The following CLSTN2 variants were observed in gnomAD, a reference collection of about 807,000 sequenced individuals.
The protein encoded by CLSTN2 is calsyntenin 2.
A neutral mutation model predicts 101.2 loss-of-function variants in CLSTN2; 48 were observed. The observed-to-expected ratio is 0.47, with a 90% CI of 0.38 to 0.60. The LOEUF is 0.60. Among genes scored for constraint, CLSTN2 ranks in the 20% least tolerant of loss-of-function variants. The pLI, the probability that CLSTN2 is intolerant of heterozygous loss-of-function variation, is 0.00. For missense variants in CLSTN2, 1,160 were observed against 1,238.2 expected, an observed-to-expected ratio of 0.94 and a Z score of 0.95; for synonymous variants, 481 against 463.6, an observed-to-expected ratio of 1.04 and a Z score of -0.48.
At chr3:140,169,275 G>A (rs2010177898) in intron 1 of CLSTN2, among the ~76,000 whole-genome samples, 2 of 151,844 alleles carry the variant, frequency 1.3e-5, no homozygotes, top group South Asian at 4.2e-4. Context: ...TTTTTTAATT[G>A]AAATTTCCAA....
At chr3:140,365,935 G>A (rs1211797525) in intron 2 of CLSTN2, among the ~76,000 whole-genome samples, 6 of 152,098 alleles carry the variant, frequency 3.9e-5, no homozygotes, top group Non-Finnish European at 8.8e-5. Context: ...TCTTCCTCCT[G>A]GGGGACCACG....
intron 1 of CLSTN2, among the ~76,000 whole-genome samples, chr3:140,049,729 G>A (rs2007953701): frequency 6.6e-6 from 1 of 152,224 alleles, no homozygotes; most frequent in South Asian, 2.1e-4. Context: ...GGGAAGGAGA[G>A]GCGAGCTCTG....
chr3:140,318,550 G>A (rs1296539463), intron 2 of CLSTN2, among the ~76,000 whole-genome samples: 1 of 152,212 alleles, frequency 6.6e-6, no homozygotes, highest in Non-Finnish European at 1.5e-5. Context: ...GTCTCAGGCT[G>A]TAACCTAAAC....
chr3:140,308,311 G>T (rs1370805785), intron 2 of CLSTN2, among the ~76,000 whole-genome samples: 1 of 152,232 alleles, frequency 6.6e-6, no homozygotes, highest in Non-Finnish European at 1.5e-5. Flanking sequence ...GTGCAGGCAA[G>T]TTGCTTCAAC....
At chr3:139,988,953 A>C (rs1936074124) in intron 1 of CLSTN2, among the ~76,000 whole-genome samples, 1 of 152,176 alleles carries the variant, frequency 6.6e-6, no homozygotes, top group African/African-American at 2.4e-5. Context: ...GTGTCATCTC[A>C]TGTGTGTAAT....
At chr3:140,524,429 A>AACTT (rs1387500074) in intron 8 of CLSTN2, among the ~76,000 whole-genome samples, 2 of 152,242 alleles carry the variant, frequency 1.3e-5, no homozygotes, top group African/African-American at 4.8e-5. Flanking sequence ...TGTTAGTTCT[A>AACTT]ACTTACAATA....
At chr3:140,390,437 G>A (rs1002836452) in intron 2 of CLSTN2, among the ~76,000 whole-genome samples, 1 of 151,852 alleles carries the variant, frequency 6.6e-6, no homozygotes, top group Non-Finnish European at 1.5e-5. Context: ...ATTGATTTCT[G>A]ATTTATTTCC....
At chr3:140,137,613 G>C (rs1466194602) in intron 1 of CLSTN2, among the ~76,000 whole-genome samples, 5 of 152,288 alleles carry the variant, frequency 3.3e-5, no homozygotes, top group African/African-American at 1.2e-4. Flanking sequence ...GACGAGATTT[G>C]AATGTGTTTG....
chr3:140,373,958 T>G (rs1366725489), intron 2 of CLSTN2, among the ~76,000 whole-genome samples: 1 of 152,202 alleles, frequency 6.6e-6, no homozygotes, highest in Non-Finnish European at 1.5e-5. Context: ...GCTCTAGACC[T>G]TCTCTCCATC....
chr3:140,108,111 C>G (rs1439755009), intron 1 of CLSTN2, among the ~76,000 whole-genome samples: 1 of 152,126 alleles, frequency 6.6e-6, no homozygotes, highest in Non-Finnish European at 1.5e-5. Context: ...ATAGAAATTA[C>G]TTTTTCAGAC....
intron 2 of CLSTN2, among the ~76,000 whole-genome samples, chr3:140,381,880 T>C (rs2087989612): frequency 6.6e-6 from 1 of 152,122 alleles, no homozygotes; most frequent in South Asian, 2.1e-4. Flanking sequence ...AAAACAAGGG[T>C]TCTTCAAAGA....
chr3:140,155,289 G>A (rs1242268517), intron 1 of CLSTN2, among the ~76,000 whole-genome samples: 1 of 152,180 alleles, frequency 6.6e-6, no homozygotes, highest in African/African-American at 2.4e-5. Context: ...CTGTGTTGGT[G>A]TAGGAATGGC....
At chr3:140,010,180 CTGTT>C (rs1452677019) in intron 1 of CLSTN2, among the ~76,000 whole-genome samples, 2 of 152,198 alleles carry the variant, frequency 1.3e-5, no homozygotes, top group African/African-American at 2.4e-5. Flanking sequence ...ATAAAAGTAA[CTGTT>C]TGCGGTAGGA....
At chr3:140,563,705 T>A (rs1257656562) in intron 15 of CLSTN2, among the ~76,000 whole-genome samples, 1 of 152,218 alleles carries the variant, frequency 6.6e-6, no homozygotes, top group African/African-American at 2.4e-5. Context: ...AATGAACACC[T>A]ATACTGTGCC....
chr3:140,401,608 T>C (rs2088242827), intron 2 of CLSTN2, among the ~76,000 whole-genome samples: 1 of 152,222 alleles, frequency 6.6e-6, no homozygotes, highest in African/African-American at 2.4e-5. Context: ...CAAGAGAAGA[T>C]TACACTCATC....
In CLSTN2 at chr3:140,404,720, C is replaced by T. The variant is rs1412254544; in HGVS notation, c.591C>T (p.Asn197=). The change falls in exon 4 of 17, where the codon AAC becomes AAT. Residue 197 remains asparagine, a synonymous_variant. Transcript: ENST00000458420. The part of the protein sequence containing the change: ...DCSPQYSQIC[N]YEIVTTDVPF... ...CCCCACAGTACAGCCAGATCTGCAA[C>T]TATGAAATCGTCACCACAGATGTGC... The T allele has an allele frequency of 6.2e-7, 1 of 1,614,208 alleles. No individual in the cohort carries two copies. Among genetic ancestry groups the T allele is most frequent in the Non-Finnish European group, 8.5e-7 (1 of 1,180,032 alleles).
chr3:140,384,403 C>G (rs549786162), intron 2 of CLSTN2, among the ~76,000 whole-genome samples: 1 of 152,326 alleles, frequency 6.6e-6, no homozygotes, highest in South Asian at 2.1e-4. Context: ...TTTCAAACTT[C>G]CCCTCCGAGT....
At position 140,492,989 on chromosome 3, in the gene CLSTN2, T is replaced by C. The variant is rs185859852; in HGVS notation, c.1344+26258T>C. Among the ~76,000 whole-genome samples the C allele has an allele frequency of 9.1e-4, 139 of 152,294 alleles. 1 individual carries two copies. The South Asian group carries it at 0.021, about 23-fold the overall frequency. On this transcript the variant is annotated intron_variant, in intron 8 of 16. Coordinates refer to ENST00000458420, the MANE Select transcript of CLSTN2 (RefSeq NM_022131.3). ...GTCTGCCAAGGACACTCACCAGCAG[T>C]TGGAATTGTTACAATCAACCATGGA... is the stretch of plus-strand genomic sequence containing the variant.
intron 1 of CLSTN2, among the ~76,000 whole-genome samples, chr3:139,966,824 G>A (rs1935608436): frequency 1.3e-5 from 2 of 152,252 alleles, no homozygotes; most frequent in African/African-American, 4.8e-5. Context: ...CTGTTTGTGC[G>A]AAGTGGGCAG....
Sources: gnomAD v4.1 joint callset for allele counts (sites outside exome capture counted in the v4.1 genomes callset) on GRCh38, gnomAD v4.1.1 for gene constraint, MANE v1.5 for transcripts, NCBI Gene and HGNC (gene_info 2026-07-23, HGNC 2026-07-21) for gene names.